The following NPRL3 variants were observed in gnomAD, a reference collection of about 807,000 sequenced individuals.
The protein encoded by NPRL3 is GATOR1 complex protein NPRL3.
Under a neutral mutation model 57.2 loss-of-function variants are expected in NPRL3, and 23 were observed. The ratio of observed to expected loss-of-function variants is 0.40; its 90% CI spans 0.29 to 0.57. The LOEUF is 0.57. Among genes scored for constraint, NPRL3 ranks in the 20% least tolerant of loss-of-function variants. The pLI is 0.42. For missense variants in NPRL3, 691 were observed against 767.1 expected (o/e 0.90, Z 1.17); for synonymous variants, 333 against 321.1 (o/e 1.04, Z -0.39).
At chr16:102,295 C>G (rs893871907) in intron 7 of NPRL3, among the ~76,000 whole-genome samples, 3 of 152,216 alleles carry the variant, frequency 2.0e-5, no homozygotes, top group Admixed American at 6.5e-5. Flanking sequence ...TTCTATGACA[C>G]AGAGGAGATG....
At chr16:103,289 TG>T (rs11336758) in intron 7 of NPRL3, among the ~76,000 whole-genome samples, 116,573 of 116,722 alleles carry the variant, frequency 1, 58,212 homozygotes, top group Middle Eastern at 1. Flanking sequence ...ACATCACGCC[TG>T]GGGTGATTTT....
intron 11 of NPRL3, among the ~76,000 whole-genome samples, chr16:91,486 C>G (rs1009147571): frequency 2.6e-5 from 4 of 152,226 alleles, no homozygotes; most frequent in African/African-American, 9.6e-5. Flanking sequence ...CAGTCATGGC[C>G]TGGAAAAGCC....
At chr16:126,589 T>G (rs1900529935) in intron 3 of NPRL3, among the ~76,000 whole-genome samples, 2 of 152,228 alleles carry the variant, frequency 1.3e-5, no homozygotes, top group African/African-American at 4.8e-5. Context: ...AGGAAGACGG[T>G]GTCCACACAG....
chr16:86,873 G>C lies in NPRL3; in HGVS notation c.1545-3C>G. Reference sequence around the variant, plus strand: ...GGCCGCGGAAGTAGTGAAGGAGCCTGGAAGGGATGGGTGGGTGTGAGCCCA... The same window carrying C: ...GGCCGCGGAAGTAGTGAAGGAGCCTCGAAGGGATGGGTGGGTGTGAGCCCA... On this transcript the variant is annotated splice_region_variant and splice_polypyrimidine_tract_variant and intron_variant, in intron 13 of 13. Coordinates refer to ENST00000611875, the MANE Select transcript of NPRL3 (RefSeq NM_001077350.3). The C allele has an allele frequency of 6.2e-7, 1 of 1,612,190 alleles. No individual in the cohort carries two copies. Among genetic ancestry groups the C allele is most frequent in the Non-Finnish European group, 8.5e-7 (1 of 1,179,248 alleles).
rs759451803 is a variant in NPRL3 at position 110,569 on chromosome 16, C to T, written c.585G>A (p.Leu195=). Residue 195 remains leucine, a synonymous_variant, in exon 7 of 14, where the codon CTG becomes CTA. Transcript: ENST00000611875. The part of the protein sequence containing the change: ...EGPQSPFHHI[L]PKCKLARDLK... ...GGTCCCTGGCCAGCTTGCACTTGGG[C>T]AGGATGTGATGGAATGGGGACTGAG... 1.8e-5 allele frequency: 29 copies of T among 1,612,030 alleles called. No individual in the cohort carries two copies. In the South Asian group the frequency reaches 3.2e-4, roughly 18 times the overall value.
At chr16:117,125 T>C (rs746277375) in intron 5 of NPRL3, among the ~76,000 whole-genome samples, 176 bp downstream of exon 5, 18 of 152,168 alleles carry the variant, frequency 1.2e-4, no homozygotes, top group Non-Finnish European at 2.4e-4. Flanking sequence ...AATAGTGTTA[T>C]GTGTATTTTA....
intron 3 of NPRL3, among the ~76,000 whole-genome samples, chr16:123,347 G>A (rs895380888): frequency 6.6e-6 from 1 of 152,178 alleles, no homozygotes; most frequent in African/African-American, 2.4e-5. Flanking sequence ...GTGGTGGGAA[G>A]TCTGGGCATT....
chr16:103,492 G>A (rs1899399956), intron 7 of NPRL3, among the ~76,000 whole-genome samples: 1 of 151,594 alleles, frequency 6.6e-6, no homozygotes, highest in Admixed American at 6.6e-5. Context: ...GTGGCTGTTG[G>A]GACACCACAG....
intron 7 of NPRL3, among the ~76,000 whole-genome samples, chr16:103,379 G>A (rs895460728): frequency 3.0e-5 from 4 of 132,666 alleles, no homozygotes; most frequent in Admixed American, 9.2e-5. Context: ...GGGCTCAAGC[G>A]ATCCTCCCAC....
At chr16:108,887 G>A (rs1899651231) in intron 7 of NPRL3, among the ~76,000 whole-genome samples, 1 of 151,212 alleles carries the variant, frequency 6.6e-6, no homozygotes, top group South Asian at 2.1e-4. Flanking sequence ...AGCCAGGCTG[G>A]TCTCGAACTC....
At chr16:126,014 CAA>C (rs1900499367) in intron 3 of NPRL3, 1 of 152,154 alleles carries the variant, frequency 6.6e-6, no homozygotes, top group Non-Finnish European at 1.5e-5. Context: ...TACACTGCTA[CAA>C]AAGTGGCCAA....
chr16:109,332 T>C (rs150964008), intron 7 of NPRL3, among the ~76,000 whole-genome samples: 2 of 152,130 alleles, frequency 1.3e-5, no homozygotes, highest in African/African-American at 4.8e-5. Context: ...GAGGTTTTCA[T>C]GGTATCCTCA....
chr16:137,122 A>G (rs1265918772), intron 2 of NPRL3, among the ~76,000 whole-genome samples: 1 of 149,912 alleles, frequency 6.7e-6, no homozygotes, highest in Non-Finnish European at 1.5e-5. Context: ...TGGGAGGCTG[A>G]GGCAGGAGAA....
At chr16:118,012 C>A (rs1900121542) in intron 4 of NPRL3, among the ~76,000 whole-genome samples, 1 of 152,206 alleles carries the variant, frequency 6.6e-6, no homozygotes, top group East Asian at 1.9e-4. Context: ...CAGGGTGTGA[C>A]CGCGGGCAGG....
rs911518480 is a variant in NPRL3, at chr16:127,547, T to C, written c.188+2975A>G. On this transcript the variant is annotated intron_variant, in intron 3 of 13. Transcript: ENST00000611875. ...ACCGCTCCCGGCCCCAAAAGAACTT[T>C]CTACTGTGATGGGAATATTCCAAAT... Among the ~76,000 whole-genome samples, 6 of 152,260 alleles carry C rather than the reference T, an allele frequency of 3.9e-5. No homozygotes were observed. The East Asian group carries it at 1.2e-3, about 29-fold the overall frequency.
chr16:105,738 G>A (rs1318841359), intron 7 of NPRL3, among the ~76,000 whole-genome samples: 1 of 152,216 alleles, frequency 6.6e-6, no homozygotes, highest in Non-Finnish European at 1.5e-5. Context: ...CGGATGAGCT[G>A]TGCTCCTCCA....
At chr16:110,985 T>C (rs1000421823) in intron 6 of NPRL3, among the ~76,000 whole-genome samples, 6 of 152,198 alleles carry the variant, frequency 3.9e-5, no homozygotes, top group Admixed American at 6.5e-5. Context: ...AATTTCTTTT[T>C]ACTTCCTGTG....
At chr16:123,647 T>G (rs1900376401) in intron 3 of NPRL3, 2 of 448,272 alleles carry the variant, frequency 4.5e-6, no homozygotes, top group African/African-American at 4.1e-5. Context: ...CACAAAAGTC[T>G]AGCAGAAGTG....
chr16:88,637 A>G, intron 13 of NPRL3, 61 bp downstream of exon 13: 1 of 1,451,500 alleles, frequency 6.9e-7, no homozygotes, highest in Non-Finnish European at 9.4e-7. Context: ...GTACGTCCCT[A>G]TCCACTTTCT....
Sources: gnomAD v4.1 joint callset for allele counts (sites outside exome capture counted in the v4.1 genomes callset) on GRCh38, gnomAD v4.1.1 for gene constraint, MANE v1.5 for transcripts, NCBI Gene and HGNC (gene_info 2026-07-23, HGNC 2026-07-21) for gene names.